Variants in EML6 observed in about 807,000 individuals in gnomAD.
EML6 encodes EMAP like 6.
A neutral mutation model predicts 240.1 loss-of-function variants in EML6; 154 were observed. That is an observed-to-expected ratio of 0.64 (90% CI 0.56 to 0.73). The LOEUF is 0.73. Ranked by LOEUF, EML6 falls within the 30% of genes least tolerant of loss-of-function variation. The pLI is 0.00. For synonymous variants in EML6, 1,148 were observed against 899.0 expected (o/e 1.28, Z -4.95); for missense variants, 2,964 against 2,474.6 (o/e 1.20, Z -4.20).
intron 9 of EML6, among the ~76,000 whole-genome samples, chr2:54,849,405 C>A (rs1669949024): frequency 6.6e-6 from 1 of 152,212 alleles, no homozygotes; most frequent in Non-Finnish European, 1.5e-5. Flanking sequence ...ATCTACTTCT[C>A]TTCATCACAA....
rs1674697932 is a variant in EML6, at chr2:54,928,744, G to A, written c.3997G>A (p.Glu1333Lys). 1.3e-6 allele frequency: 2 copies of A among 1,551,834 alleles called. No individual in the cohort carries two copies. The highest frequency in any genetic ancestry group is 1.7e-6 in the Non-Finnish European group (2 of 1,147,030). Residue 1333 changes from glutamate (E) to lysine (K), a missense_variant, in exon 28 of 42, where the codon GAA becomes AAA. Coordinates refer to ENST00000356458, the MANE Select transcript of EML6 (RefSeq NM_001039753.4). ...CCAGCAGCTGAAGGAAGTTTCCGTGGAAGAAAGGTATGGTGTTGCCAGGTT... is the reference window on the plus strand; with the variant it reads ...CCAGCAGCTGAAGGAAGTTTCCGTGAAAGAAAGGTATGGTGTTGCCAGGTT... The part of the protein sequence containing the change: ...PHQQLKEVSV[E>K]ERPPVSRAAP...
Position 54,871,135 on chromosome 2 carries a change from A to G in EML6, c.2239-365A>G, listed in dbSNP as rs1283045841. Among the ~76,000 whole-genome samples the G allele has an allele frequency of 7.2e-5, 11 of 152,176 alleles. No individual in the cohort carries two copies. The East Asian group carries it at 1.5e-3, about 21-fold the overall frequency. Reference sequence around the variant, plus strand: ...AATAACTCTGGATAGCGTCATGACAATGTACAAGTGACTTCCCTGACTGAG... The same window carrying G: ...AATAACTCTGGATAGCGTCATGACAGTGTACAAGTGACTTCCCTGACTGAG... On this transcript the variant is annotated intron_variant, in intron 15 of 41. Coordinates refer to ENST00000356458, the MANE Select transcript of EML6 (RefSeq NM_001039753.4).
chr2:54,730,461 A>G (rs1006039277), intron 2 of EML6, among the ~76,000 whole-genome samples: 3 of 152,198 alleles, frequency 2.0e-5, no homozygotes, highest in African/African-American at 7.2e-5. Context: ...TCAAATCCAT[A>G]TTAAGTTGAG....
intron 11 of EML6, among the ~76,000 whole-genome samples, chr2:54,854,070 G>T (rs966469334): frequency 1.3e-5 from 2 of 152,272 alleles, no homozygotes; most frequent in South Asian, 4.1e-4. Context: ...GAAAGAATTT[G>T]CTAATAGAGT....
intron 24 of EML6, among the ~76,000 whole-genome samples, chr2:54,905,622 C>T (rs1673286988): frequency 6.6e-6 from 1 of 152,186 alleles, no homozygotes; most frequent in Middle Eastern, 3.4e-3. Flanking sequence ...GTTGTGCAAC[C>T]ATCACTGCCC....
chr2:54,962,935 C>CT (rs1185286157), intron 36 of EML6, among the ~76,000 whole-genome samples: 4 of 152,164 alleles, frequency 2.6e-5, no homozygotes, highest in African/African-American at 9.7e-5. Context: ...ACCCACAAAA[C>CT]TAAAAATATA....
chr2:54,907,925 TAGATAGATAGATAGATAGATAAGATAGA>T (rs1673414110), intron 24 of EML6, among the ~76,000 whole-genome samples: 1 of 51,560 alleles, frequency 1.9e-5, no homozygotes, highest in African/African-American at 7.2e-5. Context: ...GATAGATAGA[TAGATAGATAGATAGATAGATAAGATAGA>T]TAGATAGATA....
At chr2:54,959,309 G>C (rs1268554775) in intron 34 of EML6, 48 bp downstream of exon 34, 1 of 1,465,304 alleles carries the variant, frequency 6.8e-7, no homozygotes, top group South Asian at 1.4e-5. Flanking sequence ...TTGTTATCTT[G>C]GGAGAAACTG....
At chr2:54,952,070 T>C (rs1324949933) in intron 30 of EML6, among the ~76,000 whole-genome samples, 1 of 152,212 alleles carries the variant, frequency 6.6e-6, no homozygotes, top group African/African-American at 2.4e-5. Flanking sequence ...GGTAAAGCCA[T>C]CACCTGTGCT....
intron 38 of EML6, among the ~76,000 whole-genome samples, chr2:54,965,276 T>G (rs190620068): frequency 1.3e-5 from 2 of 152,348 alleles, no homozygotes; most frequent in Admixed American, 1.3e-4. Flanking sequence ...AATCTGCGTT[T>G]GTGAGCTGGC....
intron 2 of EML6, among the ~76,000 whole-genome samples, chr2:54,731,778 G>C (rs1277250430): frequency 6.6e-6 from 1 of 152,156 alleles, no homozygotes; most frequent in Non-Finnish European, 1.5e-5. Flanking sequence ...ACTGTGATAG[G>C]TGAAAAACTG....
Position 54,970,539 on chromosome 2 carries a change from C to T in EML6, c.*444C>T, listed in dbSNP as rs1676944390. ...TTACAAATAAGTTGAACAAGACAGC[C>T]TAAGTTAGATGCACCGAAGTACTAG... On this transcript the variant is annotated 3_prime_UTR_variant, in exon 42 of 42. Coordinates refer to ENST00000356458, the MANE Select transcript of EML6 (RefSeq NM_001039753.4). The T allele has an allele frequency of 1.2e-5, 2 of 168,408 alleles. No individual in the cohort carries two copies. The highest frequency in any genetic ancestry group is 1.6e-4 in the South Asian group (1 of 6,384). The allele number at this position is 168,408 out of a possible 1,614,324, so 10.4% of individuals were successfully genotyped here.
chr2:54,803,205 T>C (rs1222892492), intron 2 of EML6, among the ~76,000 whole-genome samples: 7 of 152,266 alleles, frequency 4.6e-5, no homozygotes, highest in East Asian at 1.9e-4. Flanking sequence ...TGAGCTGCCA[T>C]AGTGTGGTGT....
At chr2:54,927,484 G>C (rs768510373) in intron 26 of EML6, among the ~76,000 whole-genome samples, 1 of 152,182 alleles carries the variant, frequency 6.6e-6, no homozygotes, top group African/African-American at 2.4e-5. Flanking sequence ...CCTCGGAGTC[G>C]CTGAGAGGAT....
At chr2:54,934,901 A>G (rs994821965) in intron 28 of EML6, among the ~76,000 whole-genome samples, 4 of 152,230 alleles carry the variant, frequency 2.6e-5, no homozygotes, top group East Asian at 1.9e-4. Flanking sequence ...TTCTCAAGGG[A>G]AAGATATATC....
intron 10 of EML6, among the ~76,000 whole-genome samples, chr2:54,853,239 T>C (rs903256340): frequency 6.6e-6 from 1 of 152,212 alleles, no homozygotes; most frequent in African/African-American, 2.4e-5. Context: ...ATTTCATTAA[T>C]AATACAAAGC....
chr2:54,935,217 GT>G (rs992932797), intron 28 of EML6, among the ~76,000 whole-genome samples: 1 of 152,120 alleles, frequency 6.6e-6, no homozygotes, highest in African/African-American at 2.4e-5. Context: ...GAAAGTGTCT[GT>G]TTTTTGCTAA....
intron 17 of EML6, among the ~76,000 whole-genome samples, chr2:54,889,837 G>A (rs1022098793): frequency 1.3e-5 from 2 of 152,170 alleles, no homozygotes; most frequent in Non-Finnish European, 2.9e-5. Flanking sequence ...TGACTCTATT[G>A]GGAATGCCAT....
chr2:54,878,474 C>T (rs1161448391), intron 16 of EML6, among the ~76,000 whole-genome samples: 1 of 152,140 alleles, frequency 6.6e-6, no homozygotes, highest in Non-Finnish European at 1.5e-5. Context: ...TGCAGGAAGG[C>T]AGCAAAGGAA....
Sources: allele counts gnomAD v4.1 joint callset (sites outside exome capture counted in the v4.1 genomes callset), GRCh38; gene constraint gnomAD v4.1.1; transcripts MANE v1.5; gene names NCBI Gene and HGNC (gene_info 2026-07-23, HGNC 2026-07-21).